GUCY2C: variants seen among roughly 807,000 people sequenced by gnomAD.
GUCY2C encodes the protein guanylyl cyclase C.
In GUCY2C, 118 loss-of-function variants were observed where a neutral mutation model predicts 131.1. That is an observed-to-expected ratio of 0.90 (90% CI 0.78 to 1.05). GUCY2C has a LOEUF of 1.05. Ranked by LOEUF, GUCY2C falls within the 50% of genes least tolerant of loss-of-function variation. GUCY2C has a pLI of 0.00. For missense variants in GUCY2C, 1,161 were observed against 1,304.4 expected (o/e 0.89, Z 1.69); for synonymous variants, 452 against 457.8 (o/e 0.99, Z 0.16).
At chr12:14,632,756 G>A (rs1947175363) in intron 19 of GUCY2C, among the ~76,000 whole-genome samples, 1 of 152,146 alleles carries the variant, frequency 6.6e-6, no homozygotes, top group African/African-American at 2.4e-5. Context: ...AGGTCCACCT[G>A]GCTCACTTGC....
intron 1 of GUCY2C, among the ~76,000 whole-genome samples, chr12:14,690,806 G>T (rs1253936329): frequency 6.6e-6 from 1 of 152,180 alleles, no homozygotes; most frequent in Non-Finnish European, 1.5e-5. Flanking sequence ...CTCCCAAAGT[G>T]CTGGGATTAC....
At chr12:14,631,650 T>A (rs1369498857) in intron 19 of GUCY2C, among the ~76,000 whole-genome samples, 2 of 148,070 alleles carry the variant, frequency 1.4e-5, no homozygotes, top group African/African-American at 4.9e-5. Context: ...TTTGGGTTGG[T>A]TCCAAGTCTT....
chr12:14,629,370 C>G (rs1293582212), intron 19 of GUCY2C, among the ~76,000 whole-genome samples: 2 of 152,152 alleles, frequency 1.3e-5, no homozygotes, highest in Non-Finnish European at 2.9e-5. Context: ...GGTAATCACT[C>G]CAGCACCTGG....
rs765596721 is a variant in GUCY2C at position 14,639,846 on chromosome 12, G to A, written c.2157+16C>T. On this transcript the variant is annotated intron_variant, in intron 19 of 26. Coordinates refer to ENST00000261170, the MANE Select transcript of GUCY2C (RefSeq NM_004963.4). ...TATAGCAGGCCAAGGAAATGAATAC[G>A]GGAAGATATACTCACTTCTAGCTCT... 1.6e-5 allele frequency: 23 copies of A among 1,431,662 alleles called. No individual in the cohort carries two copies. In the South Asian group the frequency reaches 2.2e-4, roughly 14 times the overall value. 88.7% of individuals were successfully genotyped at this position (1,431,662 alleles called of 1,614,324 possible).
chr12:14,674,500 C>A (rs1393438523), intron 8 of GUCY2C, 125 bp downstream of exon 8: 4 of 860,894 alleles, frequency 4.6e-6, no homozygotes, highest in Non-Finnish European at 7.9e-6. Context: ...TGTTTGCATC[C>A]AGTTGAGTTC....
In GUCY2C at chr12:14,683,123, G is replaced by A; in HGVS notation, c.530C>T (p.Thr177Ile). 2.5e-6 allele frequency: 4 copies of A among 1,613,626 alleles called. No homozygotes were observed. In the South Asian group the frequency reaches 3.3e-5, roughly 13 times the overall value. ...LMYFLVNFWK[T>I]NDLPFKTYSW... ...ATAAGTTTTGAAGGGCAGATCGTTG[G>A]TTTTCCAAAAGTTAACCAAGAAGTA... The change falls in exon 4 of 27, where the codon ACC becomes ATC. Residue 177 changes from threonine (T) to isoleucine (I), a missense_variant. By Grantham distance (89) the Thr-to-Ile change is moderately conservative. Coordinates refer to ENST00000261170, the MANE Select transcript of GUCY2C (RefSeq NM_004963.4).
At chr12:14,680,283 G>A (rs1164392376) in intron 5 of GUCY2C, among the ~76,000 whole-genome samples, 1 of 152,154 alleles carries the variant, frequency 6.6e-6, no homozygotes, top group Admixed American at 6.6e-5. Flanking sequence ...CCAGAGTCCA[G>A]TCTGAAGTCT....
At chr12:14,631,844 C>T (rs1456049681) in intron 19 of GUCY2C, among the ~76,000 whole-genome samples, 7 of 149,688 alleles carry the variant, frequency 4.7e-5, no homozygotes, top group East Asian at 2.0e-4. Flanking sequence ...TACAGTCCCA[C>T]CAACAGTGTA....
intron 19 of GUCY2C, among the ~76,000 whole-genome samples, chr12:14,635,199 A>T (rs1215402634): frequency 3.9e-5 from 6 of 152,212 alleles, no homozygotes; most frequent in Admixed American, 2.6e-4. Context: ...TCCAGGATAG[A>T]CCATATGTTA....
rs1047011429 is a variant in GUCY2C, at chr12:14,662,591, G to C, written c.1283-1529C>G. 2.0e-5 allele frequency among the ~76,000 whole-genome samples: 3 copies of C among 150,164 alleles called. No homozygotes were observed. The Admixed American group carries it at 2.0e-4, about 10-fold the overall frequency. ...TTCGGGAGGCTGAAGCAGGAGAATCGCTTGAACCCGGGAGGTGGAGGTTGT... is the reference window on the plus strand; with the variant it reads ...TTCGGGAGGCTGAAGCAGGAGAATCCCTTGAACCCGGGAGGTGGAGGTTGT... On this transcript the variant is annotated intron_variant, in intron 10 of 26. Transcript: ENST00000261170.
At chr12:14,624,166 C>A (rs1037175839) in intron 21 of GUCY2C, among the ~76,000 whole-genome samples, 2 of 152,110 alleles carry the variant, frequency 1.3e-5, no homozygotes, top group Non-Finnish European at 2.9e-5. Flanking sequence ...TCTGGCCAGG[C>A]ACAGTGGCTC....
chr12:14,639,801 C>T, intron 19 of GUCY2C, 61 bp downstream of exon 19: 1 of 1,061,664 alleles, frequency 9.4e-7, no homozygotes, highest in South Asian at 1.3e-5. Flanking sequence ...TGTTTTAATC[C>T]ATTACATTTA....
At chr12:14,664,809 G>A (rs1393273746) in intron 10 of GUCY2C, among the ~76,000 whole-genome samples, 1 of 152,128 alleles carries the variant, frequency 6.6e-6, no homozygotes, top group African/African-American at 2.4e-5. Flanking sequence ...GATGAGTGCT[G>A]GAGTCCAGAG....
intron 1 of GUCY2C, among the ~76,000 whole-genome samples, chr12:14,691,720 T>C (rs1948577342): frequency 6.6e-6 from 1 of 152,086 alleles, no homozygotes; most frequent in East Asian, 1.9e-4. Context: ...ACAGCTAAAC[T>C]CAAGTAGAAA....
chr12:14,634,259 C>G (rs1947214420), intron 19 of GUCY2C, among the ~76,000 whole-genome samples: 1 of 152,252 alleles, frequency 6.6e-6, no homozygotes, highest in South Asian at 2.1e-4. Context: ...AAACCAAATT[C>G]CAGTTAAGGA....
At chr12:14,667,055 T>G (rs1252230780) in intron 10 of GUCY2C, among the ~76,000 whole-genome samples, 2 of 152,116 alleles carry the variant, frequency 1.3e-5, no homozygotes, top group African/African-American at 4.8e-5. Context: ...ATTGAGGAAG[T>G]CAGTTCTCTT....
At chr12:14,664,582 T>G (rs2137058796) in intron 10 of GUCY2C, among the ~76,000 whole-genome samples, 1 of 152,260 alleles carries the variant, frequency 6.6e-6, no homozygotes, top group South Asian at 2.1e-4. Context: ...AAACGCAGTA[T>G]CAAGTTCTAA....
intron 15 of GUCY2C, among the ~76,000 whole-genome samples, chr12:14,648,449 C>T (rs1415705478): frequency 6.6e-6 from 1 of 152,068 alleles, no homozygotes; most frequent in Non-Finnish European, 1.5e-5. Flanking sequence ...GAAACCTCAA[C>T]CTTCCACAAA....
At chr12:14,636,568 A>C (rs2137010144) in intron 19 of GUCY2C, among the ~76,000 whole-genome samples, 1 of 152,310 alleles carries the variant, frequency 6.6e-6, no homozygotes, top group Middle Eastern at 3.4e-3. Flanking sequence ...CTTTCCCTCT[A>C]AGAACTGGAA....
Sources: allele counts gnomAD v4.1 joint callset (sites outside exome capture counted in the v4.1 genomes callset), GRCh38; gene constraint gnomAD v4.1.1; transcripts MANE v1.5; gene names NCBI Gene and HGNC (gene_info 2026-07-23, HGNC 2026-07-21).